TRIM55: variants seen among roughly 807,000 people sequenced by gnomAD.
TRIM55 encodes the protein tripartite motif-containing protein 55.
TRIM55 carries 50 observed loss-of-function variants against 60.9 expected under a neutral mutation model. The ratio of observed to expected loss-of-function variants is 0.82; its 90% CI spans 0.65 to 1.04. The LOEUF (loss-of-function observed/expected upper bound fraction) is 1.04. TRIM55 is among the 50% of genes least tolerant of loss of function. The probability of loss-of-function intolerance (pLI) is 0.00; values close to 1 mark genes in which losing one functional copy is unlikely to be tolerated. For missense variants in TRIM55, 681 were observed against 666.9 expected (o/e 1.02, Z -0.23); for synonymous variants, 237 against 238.1 (o/e 1.00, Z 0.04).
In TRIM55 at chr8:66,135,135, CAT is replaced by C. The variant is rs777889021; in HGVS notation, c.488_489del (p.His163ArgfsTer8). On this transcript the variant is annotated frameshift_variant, in exon 3 of 10. Coordinates refer to ENST00000315962, the MANE Select transcript of TRIM55 (RefSeq NM_184085.2). LOFTEE classifies it high-confidence loss of function. ...HKDCQVAPLTHVFQRQKSELS... is the reference protein window; with the variant it reads ...HKDCQVAPLTXVFQRQKSELS... ...AGACTGCCAGGTGGCTCCCCTCACT[CAT>C]GTGTTCCAGAGACAGAAGGTAACAG... 3.7e-6 allele frequency: 6 copies of C among 1,614,002 alleles called. No homozygotes were observed. The highest frequency in any genetic ancestry group is 1.3e-5 in the African/African-American group (1 of 74,922).
At position 66,137,272 on chromosome 8, in the gene TRIM55, A is replaced by G. The variant is rs966254062; in HGVS notation, c.603+82A>G. ...TGACTTCCTTAGTGCCACACTAGAC[A>G]TCCCTATTCTGACCTTTCATTCTTT... On this transcript the variant is annotated intron_variant, in intron 4 of 9. Transcript: ENST00000315962. The G allele has an allele frequency of 5.1e-6, 5 of 981,544 alleles. No individual in the cohort carries two copies. The African/African-American group carries it at 6.5e-5, about 13-fold the overall frequency. The allele number at this position is 981,544 out of a possible 1,614,324, so 60.8% of individuals were successfully genotyped here.
intron 4 of TRIM55, among the ~76,000 whole-genome samples, chr8:66,148,094 A>G (rs921642912): frequency 2.6e-5 from 4 of 152,176 alleles, no homozygotes; most frequent in South Asian, 2.1e-4. Context: ...TTAGATCACT[A>G]TGGCTCACAA....
At chr8:66,141,204 T>C (rs1351699020) in intron 4 of TRIM55, among the ~76,000 whole-genome samples, 5 of 152,174 alleles carry the variant, frequency 3.3e-5, no homozygotes, top group African/African-American at 1.2e-4. Flanking sequence ...GAATTTACTG[T>C]GATAATGAAG....
chr8:66,129,150 A>G (rs7008578), intron 2 of TRIM55, among the ~76,000 whole-genome samples: 39,801 of 152,208 alleles, frequency 0.26, 8,797 homozygotes, highest in African/African-American at 0.6. Context: ...ATTGTGAATA[A>G]CATCGTGATA....
At chr8:66,148,505 A>T (rs1465013489) in intron 4 of TRIM55, among the ~76,000 whole-genome samples, 2 of 152,246 alleles carry the variant, frequency 1.3e-5, no homozygotes, top group African/African-American at 4.8e-5. Flanking sequence ...TTATGGAAGA[A>T]GTGGTAGTCT....
chr8:66,157,542 T>G (rs543727041), intron 9 of TRIM55, among the ~76,000 whole-genome samples: 2 of 152,306 alleles, frequency 1.3e-5, no homozygotes, highest in East Asian at 3.9e-4. Flanking sequence ...CCTTGAGTAT[T>G]TAGGATGTGG....
At chr8:66,153,988 TTTC>T (rs1258683318) in intron 8 of TRIM55, 56 bp from the exon 9 acceptor site, 114 of 1,502,092 alleles carry the variant, frequency 7.6e-5, no homozygotes, top group African/African-American at 3.9e-4. Flanking sequence ...TCAACTGCTT[TTTC>T]TTCTTCTTCT....
intron 9 of TRIM55, among the ~76,000 whole-genome samples, chr8:66,154,812 A>G (rs1302629359): frequency 6.6e-6 from 1 of 152,216 alleles, no homozygotes; most frequent in Non-Finnish European, 1.5e-5. Context: ...CCTCTGATTC[A>G]TGGATTCTTG....
the TRIM55 span, among the ~76,000 whole-genome samples, chr8:66,118,030 G>A: frequency 2.0e-5 from 3 of 151,222 alleles, no homozygotes; most frequent in Non-Finnish European, 4.4e-5. Flanking sequence ...TTACCCGGGT[G>A]TGGTGGCGGG....
the TRIM55 span, among the ~76,000 whole-genome samples, chr8:66,116,552 A>G: frequency 2.2e-5 from 3 of 136,064 alleles, no homozygotes; most frequent in South Asian, 6.7e-4. Context: ...GGCTGCAGTG[A>G]GCAGTGATTG....
chr8:66,114,523 A>G, the TRIM55 span: 1 of 456,194 alleles, frequency 2.2e-6, no homozygotes, highest in Admixed American at 2.3e-5. Context: ...TATCACTCAG[A>G]ATCCTTTATG....
chr8:66,121,590 G>T, the TRIM55 span, among the ~76,000 whole-genome samples: 36 of 152,314 alleles, frequency 2.4e-4, no homozygotes, highest in East Asian at 6.7e-3. Context: ...GTAACAGGTC[G>T]CTGAGTCTCA....
At chr8:66,117,727 G>T in the TRIM55 span, among the ~76,000 whole-genome samples, 4 of 152,096 alleles carry the variant, frequency 2.6e-5, no homozygotes, top group African/African-American at 9.7e-5. Flanking sequence ...AAGTGGGGGT[G>T]GGTATGGGTG....
chr8:66,170,508 G>A (rs1811565265), intron 9 of TRIM55, among the ~76,000 whole-genome samples: 1 of 152,104 alleles, frequency 6.6e-6, no homozygotes, highest in African/African-American at 2.4e-5. Context: ...GCTTCTCCAA[G>A]GATGGACTCT....
At chr8:66,155,753 T>C (rs965390377) in intron 9 of TRIM55, 2 of 1,355,134 alleles carry the variant, frequency 1.5e-6, no homozygotes, top group Non-Finnish European at 1.0e-6. Flanking sequence ...TCTCACATAG[T>C]TTCTTCCATA....
In TRIM55 at chr8:66,127,425, G is replaced by C; in HGVS notation, c.157G>C (p.Asp53His). Residue 53 changes from aspartate to histidine, a missense_variant, in exon 1 of 10, where the codon GAT (aspartate) becomes CAT (histidine). Transcript: ENST00000315962. Reference sequence around the variant, plus strand: ...CAACCTGTGTAGGAAATGTGCCAGTGATATTTTCCAGGTAGGTTTGTTTGG... The same window carrying C: ...CAACCTGTGTAGGAAATGTGCCAGTCATATTTTCCAGGTAGGTTTGTTTGG... ...QHNLCRKCAS[D>H]IFQASNPYLP... The C allele has an allele frequency of 6.2e-7, 1 of 1,607,154 alleles. No individual in the cohort carries two copies. The highest frequency in any genetic ancestry group is 8.5e-7 in the Non-Finnish European group (1 of 1,175,680).
rs541810229 is a variant in TRIM55, at chr8:66,168,215, C to T, written c.1525-6256C>T. Among the ~76,000 whole-genome samples the T allele has an allele frequency of 4.6e-5, 7 of 152,294 alleles. No individual in the cohort carries two copies. The South Asian group carries it at 1.2e-3, about 27-fold the overall frequency. On this transcript the variant is annotated intron_variant, in intron 9 of 9. Transcript: ENST00000315962. ...TGTCTGCATTCCTGTGAAATAGACA[C>T]CTATGATGGCAGAGCTGCCTAACAG...
At chr8:66,134,625 C>G (rs935859991) in intron 2 of TRIM55, among the ~76,000 whole-genome samples, 1 of 152,144 alleles carries the variant, frequency 6.6e-6, no homozygotes, top group Admixed American at 6.6e-5. Flanking sequence ...GATGGCTCAC[C>G]AGGGTTCGAT....
chr8:66,150,624 G>A (rs1361894157), intron 7 of TRIM55, among the ~76,000 whole-genome samples, 158 bp downstream of exon 7: 4 of 151,782 alleles, frequency 2.6e-5, no homozygotes, highest in Non-Finnish European at 5.9e-5. Context: ...TTCATTACAG[G>A]ATCACATCGT....
Sources: gnomAD v4.1 joint callset for allele counts (sites outside exome capture counted in the v4.1 genomes callset) on GRCh38, gnomAD v4.1.1 for gene constraint, MANE v1.5 for transcripts, NCBI Gene and HGNC (gene_info 2026-07-23, HGNC 2026-07-21) for gene names.